Variants in LYPD6 observed in about 807,000 individuals in gnomAD.
LYPD6 encodes the protein ly6/PLAUR domain-containing protein 6.
LYPD6 carries 15 observed loss-of-function variants against 22.7 expected under a neutral mutation model. The ratio of observed to expected loss-of-function variants is 0.66; its 90% CI spans 0.44 to 1.02. LYPD6 has a LOEUF of 1.02. LYPD6 is among the 50% of genes least tolerant of loss of function. The probability of loss-of-function intolerance (pLI) is 0.00; values close to 1 mark genes in which losing one functional copy is unlikely to be tolerated. For synonymous variants in LYPD6, 72 were observed against 77.5 expected (o/e 0.93, Z 0.37); for missense variants, 189 against 208.4 (o/e 0.91, Z 0.57).
intron 1 of LYPD6, among the ~76,000 whole-genome samples, chr2:149,392,434 T>G (rs141357784): frequency 6.6e-6 from 1 of 152,258 alleles, no homozygotes; most frequent in Non-Finnish European, 1.5e-5. Context: ...CTCAGTGGTT[T>G]GTTTGGACTG....
intron 2 of LYPD6, among the ~76,000 whole-genome samples, chr2:149,440,582 C>A (rs532202412): frequency 6.6e-6 from 1 of 151,368 alleles, no homozygotes; most frequent in Non-Finnish European, 1.5e-5. Flanking sequence ...TCCAAGTTCT[C>A]TTTAGAGTCT....
chr2:149,461,445 A>T (rs1681086026), intron 3 of LYPD6, among the ~76,000 whole-genome samples: 1 of 151,902 alleles, frequency 6.6e-6, no homozygotes, highest in Non-Finnish European at 1.5e-5. Context: ...TCACTGGAGA[A>T]TTTTACCAAG....
At chr2:149,370,155 G>A (rs139522295) in intron 1 of LYPD6, among the ~76,000 whole-genome samples, 69 of 152,260 alleles carry the variant, frequency 4.5e-4, no homozygotes, top group African/African-American at 1.5e-3. Flanking sequence ...CTCCTTAAAT[G>A]TACTGAATAA....
At chr2:149,485,911 T>A in the LYPD6 span, among the ~76,000 whole-genome samples, 3 of 152,116 alleles carry the variant, frequency 2.0e-5, no homozygotes, top group Admixed American at 2.0e-4. Flanking sequence ...CCGCCAGACC[T>A]CAGGGTCACC....
rs557631303 is a variant in LYPD6, at chr2:149,443,815, T to C, written c.119-5234T>C. Among the ~76,000 whole-genome samples, 3 of 152,054 alleles carry C rather than the reference T, an allele frequency of 2.0e-5. No individual in the cohort carries two copies. In the East Asian group the frequency reaches 5.8e-4, roughly 29 times the overall value. On this transcript the variant is annotated intron_variant, in intron 2 of 4. Transcript: ENST00000334166. The stretch of plus-strand genomic sequence containing the variant: ...CACCACAACAAAGCAATTATCACAA[T>C]AAAGCAAGTTATGCAAATTTTTTGG...
chr2:149,437,109 A>C (rs1683449242), intron 1 of LYPD6, among the ~76,000 whole-genome samples: 1 of 152,184 alleles, frequency 6.6e-6, no homozygotes. Context: ...GCCAACAAAT[A>C]TTAGTTACAT....
chr2:149,384,957 C>T (rs1303783251), intron 1 of LYPD6, among the ~76,000 whole-genome samples: 2 of 146,814 alleles, frequency 1.4e-5, no homozygotes, highest in Non-Finnish European at 3.0e-5. Flanking sequence ...TCAATTCCCA[C>T]CTGTGAGTGA....
At chr2:149,361,131 G>A (rs1681564514) in intron 1 of LYPD6, among the ~76,000 whole-genome samples, 1 of 152,096 alleles carries the variant, frequency 6.6e-6, no homozygotes, top group African/African-American at 2.4e-5. Context: ...ATCTCGAAAG[G>A]GTAGATTTGA....
At chr2:149,424,727 G>C (rs183704434) in intron 1 of LYPD6, among the ~76,000 whole-genome samples, 1 of 152,264 alleles carries the variant, frequency 6.6e-6, no homozygotes, top group African/African-American at 2.4e-5. Flanking sequence ...AAGCAGCGTG[G>C]TGCACTAGAC....
intron 3 of LYPD6, among the ~76,000 whole-genome samples, chr2:149,463,592 G>A (rs1413080432): frequency 6.6e-6 from 1 of 152,168 alleles, no homozygotes; most frequent in East Asian, 1.9e-4. Context: ...AATGTTCATG[G>A]TAGCTTTATT....
intron 4 of LYPD6, 48 bp from the exon 5 acceptor site, chr2:149,470,635 C>T (rs767707461): frequency 1.9e-6 from 3 of 1,576,444 alleles, no homozygotes; most frequent in Non-Finnish European, 2.6e-6. Flanking sequence ...CTGCCTCCTT[C>T]CAAGACATGC....
intron 3 of LYPD6, among the ~76,000 whole-genome samples, chr2:149,457,718 GA>G (rs1198433276): frequency 6.6e-6 from 1 of 152,100 alleles, no homozygotes; most frequent in Non-Finnish European, 1.5e-5. Flanking sequence ...CCCATTTCTG[GA>G]AAGATGGAAT....
chr2:149,359,149 A>G (rs1264501952), intron 1 of LYPD6, among the ~76,000 whole-genome samples: 2 of 152,152 alleles, frequency 1.3e-5, no homozygotes, highest in Non-Finnish European at 2.9e-5. Flanking sequence ...TAAAACAGAA[A>G]TGGAAAAAAA....
At chr2:149,346,200 T>TA (rs1227087908) in intron 1 of LYPD6, among the ~76,000 whole-genome samples, 5 of 151,196 alleles carry the variant, frequency 3.3e-5, no homozygotes, top group African/African-American at 1.2e-4. Context: ...TTAAAAAATA[T>TA]TTTTTTTTGT....
At chr2:149,379,998 C>T (rs72991484) in intron 1 of LYPD6, among the ~76,000 whole-genome samples, 3,406 of 152,204 alleles carry the variant, frequency 0.022, 100 homozygotes, top group African/African-American at 0.077. Flanking sequence ...TTGCAGTTTT[C>T]GATAAGGAAA....
intron 4 of LYPD6, among the ~76,000 whole-genome samples, chr2:149,470,134 G>A (rs374487033): frequency 1.3e-5 from 2 of 152,118 alleles, no homozygotes; most frequent in African/African-American, 4.8e-5. Flanking sequence ...AATGATCCAC[G>A]AGTAAGGTGG....
chr2:149,445,784 A>G (rs1226402988), intron 2 of LYPD6, among the ~76,000 whole-genome samples: 1 of 152,198 alleles, frequency 6.6e-6, no homozygotes, highest in East Asian at 1.9e-4. Context: ...TCTCTGTATC[A>G]GCAAAAAGGC....
chr2:149,482,702 G>A, the LYPD6 span, among the ~76,000 whole-genome samples: 1 of 152,164 alleles, frequency 6.6e-6, no homozygotes, highest in African/African-American at 2.4e-5. Flanking sequence ...AGCTGGGATT[G>A]TTCCTAGAAT....
chr2:149,426,953 T>C (rs1473578132), intron 1 of LYPD6, among the ~76,000 whole-genome samples: 2 of 152,128 alleles, frequency 1.3e-5, no homozygotes, highest in African/African-American at 4.8e-5. Context: ...CCAATAAAAC[T>C]CAGTTCAAAT....
Sources: allele counts gnomAD v4.1 joint callset (sites outside exome capture counted in the v4.1 genomes callset), GRCh38; gene constraint gnomAD v4.1.1; transcripts MANE v1.5; gene names NCBI Gene and HGNC (gene_info 2026-07-23, HGNC 2026-07-21).